The following CHD5 variants were observed in gnomAD, a reference collection of about 807,000 sequenced individuals.
CHD5 encodes chromodomain helicase DNA binding protein 5, also known as ATP-dependent chromatin remodeler CHD5.
Under a neutral mutation model 230.3 loss-of-function variants are expected in CHD5, and 69 were observed. The ratio of observed to expected loss-of-function variants is 0.30; its 90% CI spans 0.25 to 0.37. The LOEUF (loss-of-function observed/expected upper bound fraction) is 0.37. CHD5 is among the 10% of genes least tolerant of loss of function. The pLI is 1.00. For missense variants in CHD5, 1,827 were observed against 2,622.8 expected (o/e 0.70, Z 6.63); for synonymous variants, 1,064 against 1,065.9 (o/e 1.00, Z 0.03).
chr1:6,157,607 G>T (rs1241832692), intron 3 of CHD5, among the ~76,000 whole-genome samples: 2 of 152,186 alleles, frequency 1.3e-5, no homozygotes, highest in East Asian at 3.9e-4. Context: ...TGCCCATCCA[G>T]GCTGCGGGAG....
intron 38 of CHD5, among the ~76,000 whole-genome samples, chr1:6,109,315 C>CG (rs140603686): frequency 0.012 from 1,806 of 152,270 alleles, 33 homozygotes; most frequent in African/African-American, 0.041. Context: ...CCCAACCAGC[C>CG]GGGAGCCCCG....
chr1:6,113,501 G>C (rs2100833753), intron 33 of CHD5: 1 of 240,412 alleles, frequency 4.2e-6, no homozygotes, highest in Non-Finnish European at 8.6e-6. Flanking sequence ...AGGGGAAACT[G>C]AAGGTGAGGA....
rs746370238 is a variant in CHD5, at chr1:6,168,205, T to C, written c.152A>G (p.Lys51Arg). ...GTTTTCCTTGAGCTTCTTGGGTTTC[T>C]TCTTCTTAGGAAGGCTCACGGGCTC... ...PVEPVSLPKK[K>R]KPKKLKENKC... The change falls in exon 2 of 42, where the codon AAG becomes AGG. Residue 51 changes from lysine (K) to arginine (R), a missense_variant. This residue lies in a region of CHD5 where 113 missense variants were observed against 91.9 expected (regional missense o/e 1.23). Coordinates refer to ENST00000262450, the MANE Select transcript of CHD5 (RefSeq NM_015557.3). 46 of 1,612,564 alleles carry C rather than the reference T, an allele frequency of 2.9e-5. No individual in the cohort carries two copies. Among genetic ancestry groups the C allele is most frequent in the Non-Finnish European group, 3.6e-5 (42 of 1,178,772 alleles).
intron 2 of CHD5, among the ~76,000 whole-genome samples, chr1:6,160,088 GAGA>G (rs1325269922): frequency 1.4e-5 from 2 of 145,504 alleles, no homozygotes; most frequent in East Asian, 2.0e-4. Flanking sequence ...GCCCCAGCCA[GAGA>G]AGAAGAACCC....
In CHD5 at chr1:6,112,247, A is replaced by C; in HGVS notation, c.5033T>G (p.Ile1678Ser). The C allele has an allele frequency of 6.2e-7, 1 of 1,614,106 alleles. No individual in the cohort carries two copies. The highest frequency in any genetic ancestry group is 1.3e-5 in the African/African-American group (1 of 75,004). The change falls in exon 35 of 42, where the codon ATT becomes AGT. Residue 1678 changes from isoleucine (I) to serine (S), a missense_variant. Physicochemically the swap from Ile to Ser is moderately radical, Grantham distance 142 (BLOSUM62 -2). This residue lies in a region of CHD5 where 272 missense variants were observed against 263.2 expected (regional missense o/e 1.03). Coordinates refer to ENST00000262450, the MANE Select transcript of CHD5 (RefSeq NM_015557.3). ...DDTKAEEKEP[I>S]ETQQNGDKEE... Reference sequence around the variant, plus strand: ...TTTGTCACCATTTTGCTGTGTTTCAATGGGCTCCTTCTCCTCAGCCTTGGT... The same window carrying C: ...TTTGTCACCATTTTGCTGTGTTTCACTGGGCTCCTTCTCCTCAGCCTTGGT...
chr1:6,159,009 A>AAG (rs1667122967), intron 3 of CHD5, among the ~76,000 whole-genome samples: 1 of 147,682 alleles, frequency 6.8e-6, no homozygotes. Context: ...TCCGTCTCAA[A>AAG]AAAAAAAAAA....
At chr1:6,137,682 A>G (rs1666766597) in intron 15 of CHD5, among the ~76,000 whole-genome samples, 1 of 152,256 alleles carries the variant, frequency 6.6e-6, no homozygotes, top group Non-Finnish European at 1.5e-5. Flanking sequence ...GCACTCTCCC[A>G]GGTACCCATA....
In CHD5 at chr1:6,109,865, G is replaced by A. The variant is rs372905423; in HGVS notation, c.5508C>T (p.Ala1836=). The part of the protein sequence containing the change: ...NARLAEVECL[A]ESHQHLSKES... Reference sequence around the variant, plus strand: ...CCTTGGACAGGTGCTGGTGGCTCTCGGCGAGGCACTCCACTTCAGCCAGGC... The same window carrying A: ...CCTTGGACAGGTGCTGGTGGCTCTCAGCGAGGCACTCCACTTCAGCCAGGC... The change falls in exon 38 of 42, where the codon GCC becomes GCT. Residue 1836 remains alanine, a synonymous_variant. Coordinates refer to ENST00000262450, the MANE Select transcript of CHD5 (RefSeq NM_015557.3). The A allele has an allele frequency of 1.5e-5, 24 of 1,612,756 alleles. No homozygotes were observed. Among genetic ancestry groups the A allele is most frequent in the South Asian group, 5.5e-5 (5 of 91,068 alleles).
rs1571164175 is a variant in CHD5 at position 6,154,848 on chromosome 1, G to T, written c.557C>A (p.Thr186Asn). The T allele has an allele frequency of 1.2e-6, 2 of 1,614,040 alleles. No individual in the cohort carries two copies. Among genetic ancestry groups the T allele is most frequent in the Middle Eastern group, 1.7e-4 (1 of 6,060 alleles). The change falls in exon 5 of 42, where the codon ACC becomes AAC. Residue 186 changes from threonine to asparagine, a missense_variant. Transcript: ENST00000262450. The surrounding 1 kb of genome is among the most constrained non-coding windows in gnomAD (Gnocchi z 7.0). The part of the protein sequence containing the change: ...NPKIPMSKMM[T>N]VLGAKWREFS... Reference sequence around the variant, plus strand: ...CTCCCGCCACTTGGCACCCAGGACGGTCATCATTTTGGACATGGGGATCTT... The same window carrying T: ...CTCCCGCCACTTGGCACCCAGGACGTTCATCATTTTGGACATGGGGATCTT...
intron 11 of CHD5, 46 bp from the exon 12 acceptor site, chr1:6,144,201 A>G (rs200802211): frequency 4.3e-6 from 7 of 1,609,946 alleles, no homozygotes; most frequent in Admixed American, 1.7e-5. Context: ...CAGTGGCCAC[A>G]GCACAGGTTT....
At chr1:6,143,982 T>C (rs774580714) in intron 12 of CHD5, 42 bp downstream of exon 12, 2 of 1,613,970 alleles carry the variant, frequency 1.2e-6, no homozygotes, top group South Asian at 2.2e-5. Context: ...CAGGAGCAGG[T>C]CCCGGCAGCC....
chr1:6,175,764 CTTGG>C (rs917286495), intron 1 of CHD5, among the ~76,000 whole-genome samples: 11 of 146,648 alleles, frequency 7.5e-5, no homozygotes, highest in African/African-American at 1.3e-4. Context: ...TGAATGGTTA[CTTGG>C]TTGGTTTTGT....
chr1:6,170,944 G>A (rs942138328), intron 1 of CHD5, among the ~76,000 whole-genome samples: 11 of 152,198 alleles, frequency 7.2e-5, no homozygotes, highest in East Asian at 1.9e-4. Context: ...CCCCGCCACC[G>A]CAGGAGACCG....
In CHD5 at chr1:6,121,781, G is replaced by C. The variant is rs1666475395; in HGVS notation, c.4700-208C>G. Among the ~76,000 whole-genome samples, 1 of 152,176 alleles carries C rather than the reference G, an allele frequency of 6.6e-6. No individual in the cohort carries two copies. The highest frequency in any genetic ancestry group is 2.4e-5 in the African/African-American group (1 of 41,454). The stretch of plus-strand genomic sequence containing the variant: ...GACTCAGGAGTGCTTGGAGGACCTT[G>C]AACCCAGTAAGACCAAAGTGAGGGG... On this transcript the variant is annotated intron_variant, in intron 31 of 41. Transcript: ENST00000262450. This position sits in a 1 kb window ranked among gnomAD's most constrained non-coding sequence, Gnocchi z 4.5.
In CHD5 at chr1:6,128,574, T is replaced by C. The variant is rs765992512; in HGVS notation, c.3655A>G (p.Ile1219Val). Residue 1219 changes from isoleucine to valine, a missense_variant, in exon 24 of 42, where the codon ATC becomes GTC. Ile to Val is a conservative substitution (Grantham distance 29). Coordinates refer to ENST00000262450, the MANE Select transcript of CHD5 (RefSeq NM_015557.3). The surrounding 1 kb of genome is among the most constrained non-coding windows in gnomAD (Gnocchi z 7.8). ...MSQGQRPVTP[I>V]PDVQSSKGGN... ...CCTTTGGAGGACTGGACATCAGGGATGGGTGTGACCGGCCTCTGGCCCTGA... is the reference window on the plus strand; with the variant it reads ...CCTTTGGAGGACTGGACATCAGGGACGGGTGTGACCGGCCTCTGGCCCTGA... 40 of 1,613,998 alleles carry C rather than the reference T, an allele frequency of 2.5e-5. No individual in the cohort carries two copies. The highest frequency in any genetic ancestry group is 3.1e-5 in the Non-Finnish European group (37 of 1,179,990).
chr1:6,159,283 C>G, intron 3 of CHD5, 53 bp downstream of exon 3: 1 of 1,546,894 alleles, frequency 6.5e-7, no homozygotes, highest in Non-Finnish European at 8.7e-7. Context: ...AGAGGCTCAG[C>G]CCCCTTAAAG....
At chr1:6,145,946 T>C (rs1437954444) in intron 11 of CHD5, among the ~76,000 whole-genome samples, 1 of 152,164 alleles carries the variant, frequency 6.6e-6, no homozygotes, top group Non-Finnish European at 1.5e-5. Context: ...TAACCCAGCA[T>C]GAGGGTCCCG....
intron 13 of CHD5, 101 bp downstream of exon 13, chr1:6,143,722 A>C (rs1666866612): frequency 9.1e-7 from 1 of 1,098,402 alleles, no homozygotes; most frequent in Admixed American, 1.8e-5. Flanking sequence ...TGAGGGCCCA[A>C]GGAAACATCC....
chr1:6,175,707 T>TGGAC (rs796198104), intron 1 of CHD5, among the ~76,000 whole-genome samples: 3 of 151,284 alleles, frequency 2.0e-5, no homozygotes, highest in African/African-American at 4.9e-5. Flanking sequence ...GATGGATGGA[T>TGGAC]GGACGGACGG....
Sources: allele counts gnomAD v4.1 joint callset (sites outside exome capture counted in the v4.1 genomes callset), GRCh38; gene constraint gnomAD v4.1.1; regional missense constraint gnomAD v4.1.1; non-coding constraint Gnocchi (gnomAD v3.1); transcripts MANE v1.5; gene names NCBI Gene and HGNC (gene_info 2026-07-23, HGNC 2026-07-21).